EXOC5: variants seen among roughly 807,000 people sequenced by gnomAD.
The protein encoded by EXOC5 is SEC10-like 1.
A neutral mutation model predicts 90.8 loss-of-function variants in EXOC5; 17 were observed. The observed-to-expected ratio is 0.19, with a 90% CI of 0.13 to 0.28. EXOC5 has a LOEUF of 0.28. Ranked by LOEUF, EXOC5 falls within the 10% of genes least tolerant of loss-of-function variation. The pLI is 1.00. For synonymous variants in EXOC5, 260 were observed against 270.0 expected (o/e 0.96, Z 0.36); for missense variants, 569 against 830.6 (o/e 0.69, Z 3.87).
At chr14:57,241,718 A>G (rs752874080) in intron 4 of EXOC5, among the ~76,000 whole-genome samples, 18 of 152,222 alleles carry the variant, frequency 1.2e-4, no homozygotes, top group Non-Finnish European at 2.5e-4. Flanking sequence ...TGGCAAAACT[A>G]TATTCTAATA....
chr14:57,205,868 A>G lies in EXOC5; in HGVS notation c.*2741T>C, dbSNP rs929763529. ...ATCCTAAGGACTTGCAACTATGGCA[A>G]TCCTCAAAATGGGACCAAAAATTGT... On this transcript the variant is annotated 3_prime_UTR_variant, in exon 18 of 18. Transcript: ENST00000621441. The G allele has an allele frequency of 8.8e-6, 4 of 455,856 alleles. No individual in the cohort carries two copies. The highest frequency in any genetic ancestry group is 8.0e-5 in the African/African-American group (4 of 50,030). 28.2% of individuals were successfully genotyped at this position (455,856 alleles called of 1,614,324 possible).
intron 12 of EXOC5, among the ~76,000 whole-genome samples, chr14:57,223,718 CCTAA>C (rs1257101974): frequency 6.6e-6 from 1 of 151,858 alleles, no homozygotes; most frequent in Non-Finnish European, 1.5e-5. Context: ...ATCAACTAAG[CCTAA>C]CTGACATTAT....
intron 4 of EXOC5, among the ~76,000 whole-genome samples, chr14:57,243,898 T>C (rs1883951996): frequency 6.6e-6 from 1 of 152,146 alleles, no homozygotes; most frequent in Non-Finnish European, 1.5e-5. Context: ...AAAGAGATAT[T>C]TATGAACACA....
chr14:57,237,230 G>C, intron 6 of EXOC5, 108 bp downstream of exon 6: 1 of 697,492 alleles, frequency 1.4e-6, no homozygotes, highest in Non-Finnish European at 2.6e-6. Context: ...TAGCCTACTA[G>C]GGTAGGAAGA....
chr14:57,244,243 C>G lies in EXOC5; in HGVS notation c.387G>C (p.Glu129Asp). The part of the protein sequence containing the change: ...GVNTPRQRAV[E>D]AQKLMKYFNE... ...TAAAGTATTTCATCAATTTCTGAGC[C>G]TCCACTGCCCGTTGTCTGGGTGTGT... Residue 129 changes from glutamate (E) to aspartate (D), a missense_variant, in exon 4 of 18, where the codon GAG becomes GAC. By Grantham distance (45) the Glu-to-Asp change is conservative. Coordinates refer to ENST00000621441, the MANE Select transcript of EXOC5 (RefSeq NM_006544.4). 1 of 1,613,646 alleles carries G rather than the reference C, an allele frequency of 6.2e-7. No homozygotes were observed. Among genetic ancestry groups the G allele is most frequent in the Non-Finnish European group, 8.5e-7 (1 of 1,179,598 alleles).
chr14:57,257,924 G>C (rs1300995985), intron 1 of EXOC5, among the ~76,000 whole-genome samples: 1 of 151,954 alleles, frequency 6.6e-6, no homozygotes, highest in Non-Finnish European at 1.5e-5. Context: ...GCTGACAAAG[G>C]TTTAGCTTCA....
intron 4 of EXOC5, among the ~76,000 whole-genome samples, chr14:57,241,871 T>C (rs34539241): frequency 0.03 from 4,622 of 152,112 alleles, 230 homozygotes; most frequent in African/African-American, 0.1. Flanking sequence ...CGGTGGCTCA[T>C]GCCTGTAATC....
At chr14:57,268,521 G>C in intron 1 of EXOC5, 101 bp downstream of exon 1, 1 of 1,537,338 alleles carries the variant, frequency 6.5e-7, no homozygotes, top group Non-Finnish European at 8.7e-7. Flanking sequence ...TCTCCCGAGG[G>C]CTCCTCCTGG....
intron 1 of EXOC5, among the ~76,000 whole-genome samples, chr14:57,260,803 G>C (rs1320131739): frequency 6.6e-6 from 1 of 152,130 alleles, no homozygotes; most frequent in Non-Finnish European, 1.5e-5. Flanking sequence ...TTCTAACCCA[G>C]ATATTTTTCC....
chr14:57,225,389 G>T lies in EXOC5; in HGVS notation c.1297-2973C>A, dbSNP rs576956341. ...ATTAGTATCATACTTAATGGTGAACGATTAAATAATTTATTCTTAAGATCA... is the reference window on the plus strand; with the variant it reads ...ATTAGTATCATACTTAATGGTGAACTATTAAATAATTTATTCTTAAGATCA... On this transcript the variant is annotated intron_variant, in intron 12 of 17. Transcript: ENST00000621441. Among the ~76,000 whole-genome samples, 1,157 of 152,224 alleles carry T rather than the reference G, an allele frequency of 7.6e-3. 18 individuals are homozygous for T. Among genetic ancestry groups the T allele is most frequent in the African/African-American group, 0.026 (1,097 of 41,542 alleles).
intron 4 of EXOC5, among the ~76,000 whole-genome samples, chr14:57,241,132 G>A (rs1184669636): frequency 6.6e-6 from 1 of 152,172 alleles, no homozygotes; most frequent in African/African-American, 2.4e-5. Context: ...GGGATTACAG[G>A]CTTGAGACAC....
In EXOC5 at chr14:57,244,151, C is replaced by A; in HGVS notation, c.465+14G>T. 1 of 1,589,016 alleles carries A rather than the reference C, an allele frequency of 6.3e-7. No individual in the cohort carries two copies. The highest frequency in any genetic ancestry group is 8.6e-7 in the Non-Finnish European group (1 of 1,158,116). On this transcript the variant is annotated intron_variant, in intron 4 of 17. Coordinates refer to ENST00000621441, the MANE Select transcript of EXOC5 (RefSeq NM_006544.4). ...TAATGCTGTGATTTGGTTTTATCCT[C>A]TGACAGCACTTACCTTTTCAGAATT...
intron 13 of EXOC5, 59 bp from the exon 14 acceptor site, chr14:57,219,501 C>T: frequency 7.3e-7 from 1 of 1,375,072 alleles, no homozygotes; most frequent in Middle Eastern, 1.8e-4. Flanking sequence ...ATCTTGGCAA[C>T]AGAAAAAAAG....
intron 12 of EXOC5, among the ~76,000 whole-genome samples, chr14:57,228,165 G>T (rs970463449): frequency 6.6e-6 from 1 of 151,996 alleles, no homozygotes; most frequent in African/African-American, 2.4e-5. Context: ...ACCATCTCAC[G>T]CCAGTTAGAA....
chr14:57,260,356 G>A (rs748033541), intron 1 of EXOC5, among the ~76,000 whole-genome samples: 7 of 152,060 alleles, frequency 4.6e-5, no homozygotes, highest in Non-Finnish European at 7.4e-5. Context: ...AAAACTACTT[G>A]CACAAACACT....
chr14:57,223,809 T>TA (rs967243826), intron 12 of EXOC5, among the ~76,000 whole-genome samples: 9 of 152,142 alleles, frequency 5.9e-5, no homozygotes, highest in African/African-American at 2.2e-4. Flanking sequence ...TATTCTGGGC[T>TA]AAAAAAACCA....
Position 57,203,282 on chromosome 14 carries a change from G to GTT in EXOC5, c.*5326_*5327insAA, listed in dbSNP as rs1410766683. On this transcript the variant is annotated 3_prime_UTR_variant, in exon 18 of 18. Coordinates refer to ENST00000621441, the MANE Select transcript of EXOC5 (RefSeq NM_006544.4). ...CCAGAGTTGAAAGGAACCAGTTACA[G>GTT]TATAAAGATTAAAATGATAGGCAGG... 4 of 152,140 alleles carry GTT rather than the reference G, an allele frequency of 2.6e-5. No homozygotes were observed. Among genetic ancestry groups the GTT allele is most frequent in the Non-Finnish European group, 5.9e-5 (4 of 68,018 alleles). The allele number at this position is 152,140 out of a possible 1,614,324, so 9.4% of individuals were successfully genotyped here.
At chr14:57,231,232 C>T (rs990290495) in intron 11 of EXOC5, among the ~76,000 whole-genome samples, 2 of 152,114 alleles carry the variant, frequency 1.3e-5, no homozygotes, top group Non-Finnish European at 2.9e-5. Context: ...TGGTCTCGAA[C>T]TCCAGACCTC....
rs1226478575 is a variant in EXOC5, at chr14:57,201,444, GTGTA to G, written c.*7161_*7164del. The G allele has an allele frequency of 1.4e-5, 2 of 140,676 alleles. No individual in the cohort carries two copies. Among genetic ancestry groups the G allele is most frequent in the Admixed American group, 7.0e-5 (1 of 14,342 alleles). 8.7% of individuals were successfully genotyped at this position (140,676 alleles called of 1,614,324 possible). A position where few individuals can be genotyped will look rare whatever the true frequency, so the allele number is the denominator to read the frequency against. On this transcript the variant is annotated 3_prime_UTR_variant, in exon 18 of 18. Transcript: ENST00000621441. ...TATATATATATACACACACACACGT[GTGTA>G]TATATACACACGCGTGTATATGTAC...
Sources: gnomAD v4.1 joint callset for allele counts (sites outside exome capture counted in the v4.1 genomes callset) on GRCh38, gnomAD v4.1.1 for gene constraint, MANE v1.5 for transcripts, NCBI Gene and HGNC (gene_info 2026-07-23, HGNC 2026-07-21) for gene names.